Variants in SLC44A5 observed in about 807,000 individuals in gnomAD.
SLC44A5 encodes the protein solute carrier family 44 member 5, also known as choline transporter-like protein 5.
A neutral mutation model predicts 101.8 loss-of-function variants in SLC44A5; 57 were observed. The observed-to-expected ratio is 0.56, with a 90% CI of 0.45 to 0.70. The LOEUF (loss-of-function observed/expected upper bound fraction) is 0.70, where lower values mean the gene tolerates loss of function less well. Among genes scored for constraint, SLC44A5 ranks in the 30% least tolerant of loss-of-function variants. SLC44A5 has a pLI of 0.00. For synonymous variants in SLC44A5, 281 were observed against 290.9 expected (o/e 0.97, Z 0.35); for missense variants, 737 against 853.1 (o/e 0.86, Z 1.70).
chr1:75,563,549 G>C (rs534913932), intron 1 of SLC44A5, among the ~76,000 whole-genome samples: 4 of 151,824 alleles, frequency 2.6e-5, no homozygotes, highest in African/African-American at 4.8e-5. Flanking sequence ...TTAAATAATA[G>C]TAAAAAAATT....
At chr1:75,603,069 T>C (rs1020048854) in intron 1 of SLC44A5, among the ~76,000 whole-genome samples, 7 of 152,132 alleles carry the variant, frequency 4.6e-5, no homozygotes, top group African/African-American at 1.7e-4. Flanking sequence ...GGAGTACAGT[T>C]GATCCTGTCA....
intron 2 of SLC44A5, among the ~76,000 whole-genome samples, chr1:75,460,846 A>T (rs1666456496): frequency 1.3e-5 from 2 of 152,298 alleles, no homozygotes; most frequent in Middle Eastern, 3.4e-3. Context: ...CAGGTAAGAA[A>T]ATCACTTACA....
At chr1:75,696,969 G>C in the SLC44A5 span, among the ~76,000 whole-genome samples, 18 of 152,056 alleles carry the variant, frequency 1.2e-4, no homozygotes, top group South Asian at 2.1e-4. Context: ...TTCTGAAAAT[G>C]AGAGACGAAA....
chr1:75,569,028 C>T (rs1368065918), intron 1 of SLC44A5, among the ~76,000 whole-genome samples: 4 of 152,106 alleles, frequency 2.6e-5, no homozygotes, highest in African/African-American at 9.7e-5. Context: ...AAGGCTTCTC[C>T]TGAGTGAACC....
the SLC44A5 span, among the ~76,000 whole-genome samples, chr1:75,630,903 C>G: frequency 1.4e-4 from 21 of 152,142 alleles, no homozygotes; most frequent in Non-Finnish European, 1.2e-4. Context: ...TCAGAAACAA[C>G]TTAGAACACC....
At chr1:75,674,313 CA>C in the SLC44A5 span, among the ~76,000 whole-genome samples, 81 of 146,784 alleles carry the variant, frequency 5.5e-4, no homozygotes, top group Non-Finnish European at 9.2e-4. Context: ...ATTGATCAAG[CA>C]AAAAAAAAGA....
At chr1:75,678,523 G>T in the SLC44A5 span, among the ~76,000 whole-genome samples, 2 of 150,094 alleles carry the variant, frequency 1.3e-5, no homozygotes, top group African/African-American at 4.9e-5. Context: ...ACACTGCAGG[G>T]TACTCCAACA....
At chr1:75,686,129 C>T in the SLC44A5 span, among the ~76,000 whole-genome samples, 1 of 152,252 alleles carries the variant, frequency 6.6e-6, no homozygotes, top group South Asian at 2.1e-4. Context: ...CCAGGTCCCT[C>T]CCATGACACA....
intron 2 of SLC44A5, among the ~76,000 whole-genome samples, chr1:75,451,369 G>T (rs1665899570): frequency 6.6e-6 from 1 of 152,062 alleles, no homozygotes; most frequent in African/African-American, 2.4e-5. Flanking sequence ...AGGTTGAACT[G>T]CACAGCCCAA....
chr1:75,466,389 G>T (rs1666816579), intron 2 of SLC44A5, among the ~76,000 whole-genome samples: 1 of 152,182 alleles, frequency 6.6e-6, no homozygotes, highest in African/African-American at 2.4e-5. Context: ...GGGTGTGGTG[G>T]CTCATGCCTG....
chr1:75,476,673 C>T (rs1667427062), intron 2 of SLC44A5, among the ~76,000 whole-genome samples: 1 of 152,240 alleles, frequency 6.6e-6, no homozygotes, highest in South Asian at 2.1e-4. Context: ...TGAGATCAAA[C>T]TGCAAGGCGG....
At chr1:75,709,638 T>C in the SLC44A5 span, among the ~76,000 whole-genome samples, 1 of 152,252 alleles carries the variant, frequency 6.6e-6, no homozygotes, top group Admixed American at 6.5e-5. Context: ...AGCACTCTTG[T>C]GGTTTTTAAA....
chr1:75,238,094 C>A (rs894448646), intron 10 of SLC44A5, among the ~76,000 whole-genome samples: 2 of 151,548 alleles, frequency 1.3e-5, no homozygotes, highest in Non-Finnish European at 2.9e-5. Context: ...CACTTCTATA[C>A]CTGTTGATAA....
chr1:75,677,163 A>G, the SLC44A5 span, among the ~76,000 whole-genome samples: 24 of 152,206 alleles, frequency 1.6e-4, no homozygotes, highest in African/African-American at 5.1e-4. Context: ...ATCTAAACAT[A>G]CAAAACTCAC....
At chr1:75,463,291 G>T (rs1366362810) in intron 2 of SLC44A5, among the ~76,000 whole-genome samples, 1 of 151,842 alleles carries the variant, frequency 6.6e-6, no homozygotes, top group Non-Finnish European at 1.5e-5. Flanking sequence ...GCGGTGGCAG[G>T]CGCCTGTAGT....
intron 1 of SLC44A5, among the ~76,000 whole-genome samples, chr1:75,583,826 T>G (rs1673840351): frequency 6.6e-6 from 1 of 152,182 alleles, no homozygotes; most frequent in Admixed American, 6.5e-5. Context: ...AACATGTGAT[T>G]TGGTGGTGAG....
At chr1:75,319,732 A>C (rs1248035497) in intron 4 of SLC44A5, among the ~76,000 whole-genome samples, 1 of 152,202 alleles carries the variant, frequency 6.6e-6, no homozygotes. Context: ...TTGTCTTAGC[A>C]TGGATCACAG....
Position 75,611,090 on chromosome 1 carries a change from C to G in SLC44A5, c.-120G>C. On this transcript the variant is annotated 5_prime_UTR_variant, in exon 1 of 24. Transcript: ENST00000370859. The stretch of plus-strand genomic sequence containing the variant: ...ACTCCATCAACACTGAACCTTCTAA[C>G]TCTAACATGCTACGATTCACTACTG... The G allele has an allele frequency of 4.1e-6, 4 of 985,332 alleles. No homozygotes were observed. Among genetic ancestry groups the G allele is most frequent in the Non-Finnish European group, 4.8e-6 (4 of 829,896 alleles). 61.0% of individuals were successfully genotyped at this position (985,332 alleles called of 1,614,324 possible).
In SLC44A5 at chr1:75,219,877, A is replaced by G; in HGVS notation, c.1101T>C (p.Val367=). The G allele has an allele frequency of 5.0e-6, 8 of 1,606,864 alleles. No homozygotes were observed. The highest frequency in any genetic ancestry group is 6.8e-6 in the Non-Finnish European group (8 of 1,175,230). ...AAGCTGGATAGACTAATGTACTAGG[A>G]ACATATCCAATGGCTCTGAAATAAA... is the stretch of plus-strand genomic sequence containing the variant. ...LKEGSKAIGY[V]PSTLVYPALT... Residue 367 remains valine (V), a synonymous_variant, in exon 15 of 24, where the codon GTT becomes GTC. Coordinates refer to ENST00000370859, the MANE Select transcript of SLC44A5 (RefSeq NM_001130058.2).
Sources: allele counts gnomAD v4.1 joint callset (sites outside exome capture counted in the v4.1 genomes callset), GRCh38; gene constraint gnomAD v4.1.1; transcripts MANE v1.5; gene names NCBI Gene and HGNC (gene_info 2026-07-23, HGNC 2026-07-21).